The following OTOGL variants were observed in gnomAD, a reference collection of about 807,000 sequenced individuals.
OTOGL encodes the protein otogelin like, also known as otogelin-like protein.
OTOGL carries 285 observed loss-of-function variants against 318.5 expected under a neutral mutation model. That is an observed-to-expected ratio of 0.89 (90% CI 0.81 to 0.99). OTOGL has a LOEUF of 0.99. OTOGL is among the 50% of genes least tolerant of loss of function. The pLI, the probability that OTOGL is intolerant of heterozygous loss-of-function variation, is 0.00. For missense variants in OTOGL, 2,899 were observed against 2,845.6 expected, an observed-to-expected ratio of 1.02 and a Z score of -0.43; for synonymous variants, 987 against 936.5, an observed-to-expected ratio of 1.05 and a Z score of -0.99.
At chr12:80,112,806 T>C (rs1028922431) in intron 1 of OTOGL, among the ~76,000 whole-genome samples, 1 of 151,958 alleles carries the variant, frequency 6.6e-6, no homozygotes, top group Admixed American at 6.6e-5. Flanking sequence ...TTTTCTATTG[T>C]TTGGAATAGT....
intron 1 of OTOGL, among the ~76,000 whole-genome samples, chr12:80,140,700 G>A (rs146730210): frequency 2.0e-5 from 3 of 152,230 alleles, no homozygotes; most frequent in East Asian, 1.9e-4. Context: ...AGAATTGAAT[G>A]TCAGCATATG....
chr12:80,226,525 C>T (rs977051070), intron 7 of OTOGL, among the ~76,000 whole-genome samples: 9 of 152,062 alleles, frequency 5.9e-5, no homozygotes, highest in Non-Finnish European at 1.3e-4. Context: ...ACAATCCTTC[C>T]TCAGTTTTCC....
At position 80,253,470 on chromosome 12, in the gene OTOGL, C is replaced by T. The variant is rs375008300; in HGVS notation, c.1290C>T (p.Leu430=). The change falls in exon 14 of 59, where the codon CTC becomes CTT. Residue 430 remains leucine (L), a synonymous_variant. Transcript: ENST00000547103. ...TGTGTATTTCTTCTCAATTAGGCCT[C>T]GTAATGGACAATGGGACTTGCATCT... ...CLDGCYCPDG[L]VMDNGTCISL... 53 of 1,611,294 alleles carry T rather than the reference C, an allele frequency of 3.3e-5. No individual in the cohort carries two copies. The Middle Eastern group carries it at 8.2e-4, about 25-fold the overall frequency.
chr12:80,237,741 A>T (rs1301091573), intron 9 of OTOGL, among the ~76,000 whole-genome samples: 2 of 152,198 alleles, frequency 1.3e-5, no homozygotes, highest in Non-Finnish European at 2.9e-5. Flanking sequence ...GCATTCTTAC[A>T]GATAATAAAG....
intron 1 of OTOGL, among the ~76,000 whole-genome samples, chr12:80,158,633 T>C (rs1333409956): frequency 6.6e-6 from 1 of 152,086 alleles, no homozygotes; most frequent in Non-Finnish European, 1.5e-5. Flanking sequence ...ATTCTCAGCT[T>C]GGTCACTGTT....
intron 5 of OTOGL, among the ~76,000 whole-genome samples, chr12:80,219,268 C>T (rs995587232): frequency 6.6e-6 from 1 of 152,082 alleles, no homozygotes; most frequent in Non-Finnish European, 1.5e-5. Context: ...TGCACCACCA[C>T]ACCCAGCTAA....
At chr12:80,303,403 C>G (rs552051774) in intron 28 of OTOGL, among the ~76,000 whole-genome samples, 5 of 152,308 alleles carry the variant, frequency 3.3e-5, no homozygotes, top group African/African-American at 4.8e-5. Flanking sequence ...GATCCACCCG[C>G]CTCGGCCTCC....
rs577885089 is a variant in OTOGL at position 80,105,938 on chromosome 12, A to G, written c.-20+6333A>G. Reference sequence around the variant, plus strand: ...GAAAAAACATCAACCATTTACGGATAAAAACGTTTCCATAAAAACATGAGC... The same window carrying G: ...GAAAAAACATCAACCATTTACGGATGAAAACGTTTCCATAAAAACATGAGC... On this transcript the variant is annotated intron_variant, in intron 1 of 58. Coordinates refer to ENST00000547103, the MANE Select transcript of OTOGL (RefSeq NM_001378609.3). Among the ~76,000 whole-genome samples the G allele has an allele frequency of 1.1e-4, 16 of 152,350 alleles. No individual in the cohort carries two copies. In the South Asian group the frequency reaches 3.3e-3, roughly 32 times the overall value.
intron 1 of OTOGL, among the ~76,000 whole-genome samples, chr12:80,126,647 A>G (rs1221996532): frequency 6.6e-6 from 1 of 152,126 alleles, no homozygotes; most frequent in African/African-American, 2.4e-5. Context: ...GGGTGTTAAC[A>G]TCTCCCGTTA....
intron 37 of OTOGL, among the ~76,000 whole-genome samples, chr12:80,331,491 C>A (rs1888065769): frequency 6.6e-6 from 1 of 151,868 alleles, no homozygotes; most frequent in African/African-American, 2.4e-5. Context: ...CAGGCATGCA[C>A]CACATGCCCG....
chr12:80,256,525 ACACG>A, intron 17 of OTOGL, 65 bp downstream of exon 17: 3 of 419,772 alleles, frequency 7.1e-6, no homozygotes, highest in Non-Finnish European at 7.6e-6. Context: ...AACAAACAAC[ACACG>A]CAAACAAAAT....
rs191485286 is a variant in OTOGL, at chr12:80,353,207, G to A, written c.5408-118G>A. On this transcript the variant is annotated intron_variant, in intron 45 of 58. Coordinates refer to ENST00000547103, the MANE Select transcript of OTOGL (RefSeq NM_001378609.3). ...ACAGAGTAAGTGAAAAATGGACTTT[G>A]AAGAGACTAAAATTTGCAAAATATA... The A allele has an allele frequency of 6.9e-5, 52 of 751,470 alleles. No individual in the cohort carries two copies. The East Asian group carries it at 1.5e-3, about 22-fold the overall frequency. 46.6% of individuals were successfully genotyped at this position (751,470 alleles called of 1,614,324 possible). A position where few individuals can be genotyped will look rare whatever the true frequency, so the allele number is the denominator to read the frequency against.
chr12:80,233,152 G>T, intron 9 of OTOGL, 55 bp downstream of exon 9: 2 of 1,446,336 alleles, frequency 1.4e-6, no homozygotes, highest in South Asian at 2.6e-5. Context: ...TTCTTCCCCT[G>T]ACCAAGTTGT....
At chr12:80,341,716 G>A (rs539904197) in intron 43 of OTOGL, among the ~76,000 whole-genome samples, 2 of 152,090 alleles carry the variant, frequency 1.3e-5, no homozygotes, top group Non-Finnish European at 2.9e-5. Flanking sequence ...TTGACTTCTA[G>A]GCTTTTGATT....
In OTOGL at chr12:80,355,770, TG is replaced by T. The variant is rs754300929; in HGVS notation, c.5632del (p.Glu1878ArgfsTer24). The T allele has an allele frequency of 1.0e-4, 163 of 1,613,604 alleles. No homozygotes were observed. Among genetic ancestry groups the T allele is most frequent in the Non-Finnish European group, 1.3e-4 (156 of 1,179,762 alleles). On this transcript the variant is annotated frameshift_variant, in exon 47 of 59. Coordinates refer to ENST00000547103, the MANE Select transcript of OTOGL (RefSeq NM_001378609.3). LOFTEE classifies it high-confidence loss of function. ...ATAGTGAAGACCAACCCCGCACTGC[TG>T]GGGAGATTTGGAATGGGGGCATTGA... ...TDSEDQPRTAGEIWNGGIDEC... is the reference protein window; with the variant it reads ...TDSEDQPRTAXEIWNGGIDEC...
chr12:80,315,626 T>C (rs2137811313), intron 32 of OTOGL, among the ~76,000 whole-genome samples: 1 of 152,280 alleles, frequency 6.6e-6, no homozygotes, highest in Admixed American at 6.5e-5. Context: ...ACAGGAAATC[T>C]TGGCCAAGCA....
intron 1 of OTOGL, among the ~76,000 whole-genome samples, chr12:80,198,331 T>C (rs1448361293): frequency 6.6e-6 from 1 of 152,182 alleles, no homozygotes; most frequent in Non-Finnish European, 1.5e-5. Flanking sequence ...CTCATGCCTG[T>C]AATCCCAGCA....
intron 5 of OTOGL, 24 bp from the exon 6 acceptor site, chr12:80,219,790 C>CTT (rs71717494): frequency 3.3e-3 from 3,990 of 1,194,792 alleles, no homozygotes; most frequent in African/African-American, 0.015. Flanking sequence ...CAGAAGATAA[C>CTT]TTTTTTTTTT....
chr12:80,123,131 C>T (rs1454040696), intron 1 of OTOGL, among the ~76,000 whole-genome samples: 1 of 151,820 alleles, frequency 6.6e-6, no homozygotes, highest in Non-Finnish European at 1.5e-5. Flanking sequence ...TGTGCTGCAC[C>T]CAATAACTCA....
Sources: gnomAD v4.1 joint callset for allele counts (sites outside exome capture counted in the v4.1 genomes callset) on GRCh38, gnomAD v4.1.1 for gene constraint, MANE v1.5 for transcripts, NCBI Gene and HGNC (gene_info 2026-07-23, HGNC 2026-07-21) for gene names.